TULP1: variants seen among roughly 807,000 people sequenced by gnomAD.
The protein encoded by TULP1 is tubby-related protein 1.
In TULP1, 50 loss-of-function variants were observed where a neutral mutation model predicts 67.1. That is an observed-to-expected ratio of 0.75 (90% confidence interval 0.59 to 0.94). The LOEUF (loss-of-function observed/expected upper bound fraction) is 0.94, where lower values mean the gene tolerates loss of function less well. TULP1 is among the 40% of genes least tolerant of loss of function. The pLI is 0.00. For missense variants in TULP1, 746 were observed against 734.1 expected (o/e 1.02, Z -0.19); for synonymous variants, 297 against 294.0 (o/e 1.01, Z -0.11).
chr6:35,512,859 G>T lies in TULP1; in HGVS notation c.-1C>A, dbSNP rs371177900. 5.6e-6 allele frequency: 9 copies of T among 1,612,610 alleles called. No homozygotes were observed. Among genetic ancestry groups the T allele is most frequent in the East Asian group, 4.5e-5 (2 of 44,876 alleles). On this transcript the variant is annotated 5_prime_UTR_variant, in exon 1 of 15. Transcript: ENST00000229771. ...GGAGGGTTTCATCCCGCAGAGGCAT[G>T]GTGCCTTTGCCTATCGCACCCCTTT... is the stretch of plus-strand genomic sequence containing the variant.
chr6:35,510,678 C>CAT, intron 5 of TULP1, 183 bp downstream of exon 5: 1 of 1,348,002 alleles, frequency 7.4e-7, no homozygotes, highest in Non-Finnish European at 1.0e-6. Context: ...GGGGTGGAGG[C>CAT]ATATATTGGT....
At chr6:35,499,884 G>GGTGT in intron 14 of TULP1, 97 bp downstream of exon 14, 7 of 1,369,740 alleles carry the variant, frequency 5.1e-6, no homozygotes, top group East Asian at 2.3e-5. Flanking sequence ...GATAAAGGCT[G>GGTGT]GTGTGTGTGT....
Position 35,498,075 on chromosome 6 carries a change from G to A in TULP1, c.*252C>T. 1 of 607,708 alleles carries A rather than the reference G, an allele frequency of 1.6e-6. No individual in the cohort carries two copies. Among genetic ancestry groups the A allele is most frequent in the Non-Finnish European group, 2.9e-6 (1 of 348,998 alleles). 37.6% of individuals were successfully genotyped at this position (607,708 alleles called of 1,614,324 possible). On this transcript the variant is annotated 3_prime_UTR_variant, in exon 15 of 15. Transcript: ENST00000229771. The surrounding 1 kb of genome is among the most constrained non-coding windows in gnomAD (Gnocchi z 6.7). Reference sequence around the variant, plus strand: ...AGGAGGGGGGCACAGCGGCGCAGGCGAGCTCCGAGACCAGATGTGCGGCTC... The same window carrying A: ...AGGAGGGGGGCACAGCGGCGCAGGCAAGCTCCGAGACCAGATGTGCGGCTC...
chr6:35,509,930 TGG>T lies in TULP1; in HGVS notation c.500-4_500-3del. The T allele has an allele frequency of 6.2e-7, 1 of 1,613,660 alleles. No homozygotes were observed. Among genetic ancestry groups the T allele is most frequent in the South Asian group, 1.1e-5 (1 of 91,078 alleles). ...GGGGGTCAGGGCTTCCCAGGTCTCC[TGG>T]AAATGGAAGATGGGGGTCAGGCAAA... On this transcript the variant is annotated splice_polypyrimidine_tract_variant and splice_region_variant and intron_variant, in intron 5 of 14. Transcript: ENST00000229771.
chr6:35,509,448 G>A (rs1006685082), intron 7 of TULP1, 136 bp from the exon 8 acceptor site: 1 of 1,094,644 alleles, frequency 9.1e-7, no homozygotes, highest in African/African-American at 1.5e-5. Flanking sequence ...AGCCCAAAAA[G>A]GCTAAGACAC....
chr6:35,508,621 G>A (rs1012493376), intron 8 of TULP1, among the ~76,000 whole-genome samples: 1 of 152,204 alleles, frequency 6.6e-6, no homozygotes, highest in Non-Finnish European at 1.5e-5. Flanking sequence ...TCTGAGTCCT[G>A]TTTGGGAGCA....
Position 35,503,772 on chromosome 6 carries a change from C to A in TULP1, c.1189G>T (p.Ala397Ser). Residue 397 changes from alanine (A) to serine (S), a missense_variant, in exon 12 of 15, where the codon GCA becomes TCA. Around this residue, in one of 3 missense-constraint regions of TULP1, gnomAD observed 383 missense variants for 374.1 expected, o/e 1.02. Transcript: ENST00000229771. The surrounding 1 kb of genome is among the most constrained non-coding windows in gnomAD (Gnocchi z 4.0). Reference sequence around the variant, plus strand: ...GCTGCCAGCTCCTGCCGAAGGCTTGCCACATTAGTGCTGTACCCACGCTGT... The same window carrying A: ...GCTGCCAGCTCCTGCCGAAGGCTTGACACATTAGTGCTGTACCCACGCTGT... ...NPQRGYSTNV[A>S]SLRQELAAVI... 6.2e-7 allele frequency: 1 copy of A among 1,613,542 alleles called. No homozygotes were observed. The highest frequency in any genetic ancestry group is 8.5e-7 in the Non-Finnish European group (1 of 1,179,828).
Position 35,510,856 on chromosome 6 carries a change from C to G in TULP1, c.499+5G>C, listed in dbSNP as rs537198333. Reference sequence around the variant, plus strand: ...GTGAGCTCTCTCAGCACCCTCAGCACCCACCCCTTGGGCCCTGGGCCTTGG... The same window carrying G: ...GTGAGCTCTCTCAGCACCCTCAGCAGCCACCCCTTGGGCCCTGGGCCTTGG... On this transcript the variant is annotated splice_donor_5th_base_variant and intron_variant, in intron 5 of 14. Transcript: ENST00000229771. The G allele has an allele frequency of 3.0e-5, 48 of 1,613,816 alleles. No individual in the cohort carries two copies. The South Asian group carries it at 4.5e-4, about 15-fold the overall frequency.
chr6:35,500,241 G>C (rs1561812495), intron 13 of TULP1, 89 bp from the exon 14 acceptor site: 2 of 1,389,116 alleles, frequency 1.4e-6, no homozygotes, highest in South Asian at 2.3e-5. Context: ...GCCTGGGCAT[G>C]TGTGCACAGG....
Position 35,503,397 on chromosome 6 carries a change from T to G in TULP1, c.1323+162A>C, listed in dbSNP as rs974534461. 57 of 707,142 alleles carry G rather than the reference T, an allele frequency of 8.1e-5. No homozygotes were observed. The highest frequency in any genetic ancestry group is 1.2e-4 in the Non-Finnish European group (51 of 424,852). The allele number at this position is 707,142 out of a possible 1,614,324, so 43.8% of individuals were successfully genotyped here. A position where few individuals can be genotyped will look rare whatever the true frequency, so the allele number is the denominator to read the frequency against. On this transcript the variant is annotated intron_variant, in intron 13 of 14. Coordinates refer to ENST00000229771, the MANE Select transcript of TULP1 (RefSeq NM_003322.6). This position sits in a 1 kb window ranked among gnomAD's most constrained non-coding sequence, Gnocchi z 4.0. ...CAAAAAGCCCATTGTGGTTTTTCAG[T>G]GAATTCAATTACAAAAAGCCCAAGT...
Position 35,512,630 on chromosome 6 carries a change from G to A in TULP1, c.99+9C>T, listed in dbSNP as rs781548822. On this transcript the variant is annotated intron_variant, in intron 2 of 14. Coordinates refer to ENST00000229771, the MANE Select transcript of TULP1 (RefSeq NM_003322.6). ...TCTTTCTGCTTCCTTTCCAAGTGGG[G>A]TGGCATACCTGTTTGGGGCGCCGCG... 6.2e-7 allele frequency: 1 copy of A among 1,614,058 alleles called. No individual in the cohort carries two copies. Among genetic ancestry groups the A allele is most frequent in the Non-Finnish European group, 8.5e-7 (1 of 1,179,992 alleles).
intron 13 of TULP1, among the ~76,000 whole-genome samples, chr6:35,501,096 T>G (rs3777746): frequency 2.6e-5 from 4 of 152,130 alleles, no homozygotes; most frequent in Non-Finnish European, 5.9e-5. Flanking sequence ...TCTTAAATCC[T>G]GGACTCACTG....
In TULP1 at chr6:35,503,626, CG is replaced by C. The variant is rs1387418594; in HGVS notation, c.1255del (p.Arg419GlyfsTer3). 3 of 1,599,176 alleles carry C rather than the reference CG, an allele frequency of 1.9e-6. No individual in the cohort carries two copies. In the Admixed American group the frequency reaches 5.2e-5, roughly 28 times the overall value. ...ETNVLGFRGP[R>X]RMTVIIPGMS... ...GCCAGGAATGATGACGGTCATGCGCCGGGGGCCACGGAAGCCCAGCACGTTG... is the reference window on the plus strand; with the variant it reads ...GCCAGGAATGATGACGGTCATGCGCCGGGGCCACGGAAGCCCAGCACGTTG... On this transcript the variant is annotated frameshift_variant, in exon 13 of 15. Coordinates refer to ENST00000229771, the MANE Select transcript of TULP1 (RefSeq NM_003322.6). LOFTEE classifies it high-confidence loss of function. The surrounding 1 kb of genome is among the most constrained non-coding windows in gnomAD (Gnocchi z 4.0).
intron 13 of TULP1, among the ~76,000 whole-genome samples, chr6:35,501,441 T>C (rs1045030173): frequency 1.5e-5 from 2 of 134,782 alleles, no homozygotes; most frequent in East Asian, 4.4e-4. Context: ...GAGGCTGCAG[T>C]AAGTCATGAT....
chr6:35,501,564 C>A (rs1760961325), intron 13 of TULP1, among the ~76,000 whole-genome samples: 1 of 138,050 alleles, frequency 7.2e-6, no homozygotes, highest in Non-Finnish European at 1.5e-5. Flanking sequence ...GTAATCCTAG[C>A]ACTTTGGGAG....
In TULP1 at chr6:35,512,541, C is replaced by T. The variant is rs1009825039; in HGVS notation, c.99+98G>A. ...CCAGACATGCAACCCCCAGACCCTG[C>T]TAAGGGGGACCTGTCCCACCCCTAG... On this transcript the variant is annotated intron_variant, in intron 2 of 14. Coordinates refer to ENST00000229771, the MANE Select transcript of TULP1 (RefSeq NM_003322.6). The T allele has an allele frequency of 2.6e-6, 4 of 1,520,052 alleles. No homozygotes were observed. The African/African-American group carries it at 5.5e-5, about 21-fold the overall frequency. The allele number at this position is 1,520,052 out of a possible 1,614,324, so 94.2% of individuals were successfully genotyped here.
chr6:35,499,952 G>T (rs1388032952), intron 14 of TULP1, 29 bp downstream of exon 14: 1 of 1,613,248 alleles, frequency 6.2e-7, no homozygotes, highest in Non-Finnish European at 8.5e-7. Context: ...TGGTGGAGAA[G>T]AGCCAGACCT....
At chr6:35,509,504 G>T in intron 7 of TULP1, 130 bp downstream of exon 7, 1 of 1,102,278 alleles carries the variant, frequency 9.1e-7, no homozygotes, top group Non-Finnish European at 1.4e-6. Context: ...AAGATGCCCT[G>T]CACGTTGTCT....
intron 14 of TULP1, 134 bp downstream of exon 14, chr6:35,499,847 G>A: frequency 9.0e-7 from 1 of 1,109,954 alleles, no homozygotes. Context: ...AGGAGAGAGT[G>A]ACCCTGTGGG....
Sources: gnomAD v4.1 joint callset for allele counts (sites outside exome capture counted in the v4.1 genomes callset) on GRCh38, gnomAD v4.1.1 for gene constraint, gnomAD v4.1.1 regional missense constraint, Gnocchi (gnomAD v3.1) non-coding constraint, MANE v1.5 for transcripts, NCBI Gene and HGNC (gene_info 2026-07-23, HGNC 2026-07-21) for gene names.